The following LDHAL6A variants were observed in gnomAD, a reference collection of about 807,000 sequenced individuals.
LDHAL6A encodes the protein lactate dehydrogenase A like 6A.
A neutral mutation model predicts 28.2 loss-of-function variants in LDHAL6A; 19 were observed. That is an observed-to-expected ratio of 0.67 (90% CI 0.47 to 0.99). The LOEUF (loss-of-function observed/expected upper bound fraction) is 0.99. Ranked by LOEUF, LDHAL6A falls within the 50% of genes least tolerant of loss-of-function variation. The pLI is 0.00. For synonymous variants in LDHAL6A, 144 were observed against 134.4 expected (o/e 1.07, Z -0.49); for missense variants, 372 against 398.6 (o/e 0.93, Z 0.57).
At chr11:18,475,687 A>G (rs370232712) in intron 4 of LDHAL6A, 48 bp downstream of exon 4, 30 of 1,497,270 alleles carry the variant, frequency 2.0e-5, no homozygotes, top group African/African-American at 9.8e-5. Flanking sequence ...TTTCCTATCA[A>G]TCATACAGAC....
At chr11:18,474,918 A>T (rs1454066056) in intron 3 of LDHAL6A, among the ~76,000 whole-genome samples, 2 of 152,166 alleles carry the variant, frequency 1.3e-5, no homozygotes, top group Admixed American at 6.6e-5. Context: ...TTGATTTTTT[A>T]AAAATCTTTG....
At position 18,476,374 on chromosome 11, in the gene LDHAL6A, T is replaced by C. The variant is rs1250582447; in HGVS notation, c.593-10T>C. ...TGTAAGAAGTGGGATTTTGGGTGTC[T>C]CTTTCTTAGTTCCTGTGTGGAGTGG... On this transcript the variant is annotated splice_polypyrimidine_tract_variant and intron_variant, in intron 4 of 6. Coordinates refer to ENST00000280706, the MANE Select transcript of LDHAL6A (RefSeq NM_144972.5). The C allele has an allele frequency of 4.4e-6, 7 of 1,609,190 alleles. No homozygotes were observed. Among genetic ancestry groups the C allele is most frequent in the Non-Finnish European group, 5.9e-6 (7 of 1,178,384 alleles).
In LDHAL6A at chr11:18,468,064, T is replaced by C. The variant is rs367833990; in HGVS notation, c.418+2254T>C. 1.7e-4 allele frequency among the ~76,000 whole-genome samples: 11 copies of C among 65,150 alleles called. 1 individual carries two copies. Among genetic ancestry groups the C allele is most frequent in the African/African-American group, 2.4e-4 (6 of 24,498 alleles). The allele number at this position is 65,150 out of a possible 152,430, so 42.7% of individuals were successfully genotyped here. On this transcript the variant is annotated intron_variant, in intron 3 of 6. Transcript: ENST00000280706. ...ATATATATACGTATATATATATACA[T>C]ATATATATATATATTTTGCTTGTCT...
At position 18,465,747 on chromosome 11, in the gene LDHAL6A, TTA is replaced by T; in HGVS notation, c.356_357del (p.Leu119TyrfsTer19). 1 of 1,613,838 alleles carries T rather than the reference TTA, an allele frequency of 6.2e-7. No individual in the cohort carries two copies. The highest frequency in any genetic ancestry group is 1.3e-5 in the African/African-American group (1 of 75,060). On this transcript the variant is annotated frameshift_variant, in exon 3 of 7. Coordinates refer to ENST00000280706, the MANE Select transcript of LDHAL6A (RefSeq NM_144972.5). LOFTEE classifies it high-confidence loss of function. ...LVQRNVSIFK[L>X]MIPNITQYSP... is the part of the protein sequence containing the mutation. ...CCAGCGAAATGTATCCATCTTTAAA[TTA>T]ATGATTCCCAATATTACCCAGTACA...
intron 6 of LDHAL6A, 25 bp downstream of exon 6, chr11:18,477,768 CA>C (rs1565076981): frequency 6.3e-7 from 1 of 1,575,054 alleles, no homozygotes; most frequent in East Asian, 2.3e-5. Context: ...TTCGAAAAAT[CA>C]TTAACTCAAC....
intron 5 of LDHAL6A, among the ~76,000 whole-genome samples, chr11:18,477,287 C>A (rs1044954441): frequency 6.6e-6 from 1 of 151,864 alleles, no homozygotes; most frequent in Non-Finnish European, 1.5e-5. Flanking sequence ...GGTGAAAACC[C>A]GTCTCTACTA....
In LDHAL6A at chr11:18,464,023, G is replaced by A. The variant is rs199596094; in HGVS notation, c.189G>A (p.Met63Ile). The part of the protein sequence containing the change: ...VDEGKLKGET[M>I]DLQHGSPFMK... ...AAGGCAAACTGAAGGGTGAGACAAT[G>A]GATCTTCAACATGGCAGCCCTTTTA... Residue 63 changes from methionine (M) to isoleucine (I), a missense_variant, in exon 2 of 7, where the codon ATG (methionine) becomes ATA (isoleucine). Around this residue, in one of 3 missense-constraint regions of LDHAL6A, gnomAD observed 77 missense variants for 77.9 expected, o/e 0.99. Transcript: ENST00000280706. The A allele has an allele frequency of 2.5e-6, 4 of 1,614,024 alleles. No homozygotes were observed.
At chr11:18,465,118 T>C (rs994754319) in intron 2 of LDHAL6A, among the ~76,000 whole-genome samples, 1 of 151,784 alleles carries the variant, frequency 6.6e-6, no homozygotes, top group Non-Finnish European at 1.5e-5. Context: ...AGGAGTGCAC[T>C]ACTGTACCCA....
rs1298505715 is a variant in LDHAL6A at position 18,479,023 on chromosome 11, CTTT to C, written c.*157_*159del. 2 of 578,138 alleles carry C rather than the reference CTTT, an allele frequency of 3.5e-6. No individual in the cohort carries two copies. The highest frequency in any genetic ancestry group is 5.7e-6 in the Non-Finnish European group (2 of 353,516). The allele number at this position is 578,138 out of a possible 1,614,324, so 35.8% of individuals were successfully genotyped here. ...ATAGCCTTCCAGCTTTTTTTTTTTT[CTTT>C]TTTGGGAGGGTCTCATTCTGTCACC... On this transcript the variant is annotated 3_prime_UTR_variant, in exon 7 of 7. Transcript: ENST00000280706.
chr11:18,462,063 C>G (rs1848925461), intron 1 of LDHAL6A, among the ~76,000 whole-genome samples: 1 of 150,988 alleles, frequency 6.6e-6, no homozygotes, highest in South Asian at 2.1e-4. Flanking sequence ...TCCCAGCTAC[C>G]CAGAAGGCTG....
At chr11:18,468,385 C>G (rs1334275604) in intron 3 of LDHAL6A, 1 of 151,192 alleles carries the variant, frequency 6.6e-6, no homozygotes, top group African/African-American at 2.4e-5. Flanking sequence ...GTGGCCCAGA[C>G]TGGAGTGCAG....
chr11:18,467,902 T>TATATATATATATATACACACACACAC (rs1849119825), intron 3 of LDHAL6A, among the ~76,000 whole-genome samples: 1 of 70,854 alleles, frequency 1.4e-5, no homozygotes, highest in African/African-American at 7.9e-5. Flanking sequence ...TATATATATA[T>TATATATATATATATACACACACACAC]ATATATATAT....
intron 1 of LDHAL6A, among the ~76,000 whole-genome samples, chr11:18,457,778 A>T (rs192902233): frequency 3.3e-5 from 5 of 152,208 alleles, no homozygotes; most frequent in Admixed American, 1.3e-4. Context: ...CTCAAGCAGG[A>T]GGTCTCGGCT....
Position 18,456,266 on chromosome 11 carries a change from AC to A in LDHAL6A, c.-411del. Reference sequence around the variant, plus strand: ...AAGTACCTCTCACCTGGACCTGCGGACCCCGGGCGCAGTCCTGGAGCTGAGA... The same window carrying A: ...AAGTACCTCTCACCTGGACCTGCGGACCCGGGCGCAGTCCTGGAGCTGAGA... On this transcript the variant is annotated 5_prime_UTR_variant, in exon 1 of 7. It introduces an in-frame stop codon into an upstream open reading frame of the 5' UTR. Coordinates refer to ENST00000280706, the MANE Select transcript of LDHAL6A (RefSeq NM_144972.5). 5.6e-6 allele frequency: 1 copy of A among 177,370 alleles called. No individual in the cohort carries two copies. The highest frequency in any genetic ancestry group is 1.2e-5 in the Non-Finnish European group (1 of 85,020). The allele number at this position is 177,370 out of a possible 1,614,324, so 11.0% of individuals were successfully genotyped here.
At chr11:18,466,651 CAAA>C (rs67371371) in intron 3 of LDHAL6A, among the ~76,000 whole-genome samples, 7 of 79,326 alleles carry the variant, frequency 8.8e-5, no homozygotes, top group Admixed American at 1.5e-4. Flanking sequence ...GACCCTGTCT[CAAA>C]AAAAAAAAAA....
rs1228655361 is a variant in LDHAL6A, at chr11:18,468,004, TATATATATAC to T, written c.418+2205_418+2214del. Among the ~76,000 whole-genome samples the T allele has an allele frequency of 5.1e-4, 35 of 68,272 alleles. 1 individual carries two copies. Among genetic ancestry groups the T allele is most frequent in the African/African-American group, 1.5e-3 (23 of 15,792 alleles). 44.8% of individuals were successfully genotyped at this position (68,272 alleles called of 152,430 possible). A position where few individuals can be genotyped will look rare whatever the true frequency, so the allele number is the denominator to read the frequency against. ...ACGTATATATATGCATATATATACGTATATATATACATATATATACGTATATATATATACA... is the reference window on the plus strand; with the variant it reads ...ACGTATATATATGCATATATATACGTATATATATACGTATATATATATACA... On this transcript the variant is annotated intron_variant, in intron 3 of 6. Transcript: ENST00000280706.
At chr11:18,463,204 G>A (rs1313593420) in intron 1 of LDHAL6A, among the ~76,000 whole-genome samples, 1 of 152,170 alleles carries the variant, frequency 6.6e-6, no homozygotes, top group East Asian at 1.9e-4. Context: ...TTTAAGAGTT[G>A]ACTGGGTCAT....
intron 3 of LDHAL6A, among the ~76,000 whole-genome samples, chr11:18,473,075 CACTT>C (rs1190519935): frequency 3.9e-5 from 6 of 152,050 alleles, no homozygotes; most frequent in East Asian, 1.9e-4. Flanking sequence ...CACATTTCCT[CACTT>C]ACGAGTATTT....
chr11:18,473,387 A>G (rs529751518), intron 3 of LDHAL6A, among the ~76,000 whole-genome samples: 1 of 149,540 alleles, frequency 6.7e-6, no homozygotes, highest in Non-Finnish European at 1.5e-5. Flanking sequence ...GAAGGTAGGT[A>G]GGTAGACAGA....
Sources: allele counts gnomAD v4.1 joint callset (sites outside exome capture counted in the v4.1 genomes callset), GRCh38; gene constraint gnomAD v4.1.1; regional missense constraint gnomAD v4.1.1; transcripts MANE v1.5; gene names NCBI Gene and HGNC (gene_info 2026-07-23, HGNC 2026-07-21).